PCDHA4: variants seen among roughly 807,000 people sequenced by gnomAD.
The protein encoded by PCDHA4 is protocadherin alpha 4.
PCDHA4 carries 49 observed loss-of-function variants against 61.4 expected under a neutral mutation model. The observed-to-expected ratio is 0.80, with a 90% CI of 0.63 to 1.01. The LOEUF is 1.01. PCDHA4 is among the 50% of genes least tolerant of loss of function. The probability of loss-of-function intolerance (pLI) is 0.00; values close to 1 mark genes in which losing one functional copy is unlikely to be tolerated. For synonymous variants in PCDHA4, 590 were observed against 550.3 expected, an observed-to-expected ratio of 1.07 and a Z score of -1.01; for missense variants, 1,254 against 1,235.8, an observed-to-expected ratio of 1.01 and a Z score of -0.22.
At chr5:140,975,491 C>T (rs2153807371) in intron 1 of PCDHA4, among the ~76,000 whole-genome samples, 1 of 152,274 alleles carries the variant, frequency 6.6e-6, no homozygotes, top group Middle Eastern at 3.4e-3. Flanking sequence ...TATCAATGTT[C>T]ATAAAATAGC....
intron 1 of PCDHA4, chr5:140,843,511 C>T: frequency 6.3e-7 from 1 of 1,595,668 alleles, no homozygotes; most frequent in Non-Finnish European, 8.6e-7. Context: ...CCACTGAGGG[C>T]GGGTGCCGGG....
chr5:140,966,541 G>C (rs2096018356), intron 1 of PCDHA4: 3 of 462,844 alleles, frequency 6.5e-6, no homozygotes, highest in African/African-American at 2.0e-5. Context: ...TGAGCGACTC[G>C]GAGGCGAGCG....
At chr5:140,844,051 C>T (rs1562419039) in intron 1 of PCDHA4, among the ~76,000 whole-genome samples, 1 of 149,544 alleles carries the variant, frequency 6.7e-6, no homozygotes, top group Non-Finnish European at 1.5e-5. Context: ...AGTATTCCCC[C>T]AAAGCGTTTA....
chr5:140,989,197 C>T (rs2097332742), intron 3 of PCDHA4, among the ~76,000 whole-genome samples: 1 of 152,206 alleles, frequency 6.6e-6, no homozygotes, highest in Admixed American at 6.5e-5. Context: ...ACCCTCCCTT[C>T]TAGCTTTCTT....
At chr5:140,932,728 T>C (rs2088582843) in intron 1 of PCDHA4, among the ~76,000 whole-genome samples, 1 of 151,886 alleles carries the variant, frequency 6.6e-6, no homozygotes, top group African/African-American at 2.4e-5. Context: ...TTGTATAATA[T>C]AGACCCTCAA....
Position 140,808,051 on chromosome 5 carries a change from T to C in PCDHA4, c.864T>C (p.Asn288=). ...CATTCTCAAATGATATTTCGCCAAA[T>C]GTGAAATCCAAGTTTCACATAGATC... ...VYSFSNDISP[N]VKSKFHIDPI... is the part of the protein sequence containing the mutation. Residue 288 remains asparagine (N), a synonymous_variant, in exon 1 of 4, where the codon AAT becomes AAC. Coordinates refer to ENST00000530339, the MANE Select transcript of PCDHA4 (RefSeq NM_018907.4). 1 of 1,614,058 alleles carries C rather than the reference T, an allele frequency of 6.2e-7. No individual in the cohort carries two copies. The highest frequency in any genetic ancestry group is 2.2e-5 in the East Asian group (1 of 44,894).
At chr5:140,965,864 G>A (rs553582487) in intron 1 of PCDHA4, among the ~76,000 whole-genome samples, 1 of 152,254 alleles carries the variant, frequency 6.6e-6, no homozygotes, top group East Asian at 1.9e-4. Flanking sequence ...CTGAAAATAA[G>A]GGCCACTTGG....
In PCDHA4 at chr5:141,009,726, C is replaced by A. The variant is rs373683237; in HGVS notation, c.2633C>A (p.Pro878His). Residue 878 changes from proline to histidine, a missense_variant, in exon 4 of 4, where the codon CCC (proline) becomes CAC (histidine). By Grantham distance (77) the Pro-to-His change is moderately conservative (BLOSUM62 -2). Coordinates refer to ENST00000530339, the MANE Select transcript of PCDHA4 (RefSeq NM_018907.4). ...YGPGNPKQSGPGELPDKFIIP... is the reference protein window; with the variant it reads ...YGPGNPKQSGHGELPDKFIIP... The stretch of plus-strand genomic sequence containing the variant: ...CCAGGCAACCCCAAACAATCCGGTC[C>A]CGGTGAGTTGCCCGACAAATTCATT... 85 of 1,614,016 alleles carry A rather than the reference C, an allele frequency of 5.3e-5. No individual in the cohort carries two copies. Among genetic ancestry groups the A allele is most frequent in the Non-Finnish European group, 4.4e-5 (52 of 1,180,032 alleles).
intron 1 of PCDHA4, chr5:140,834,305 T>C (rs2150215189): frequency 1.5e-6 from 2 of 1,328,712 alleles, no homozygotes; most frequent in African/African-American, 1.5e-5. Flanking sequence ...CACATCGAGA[T>C]TGAAATGAAG....
chr5:140,965,748 C>T (rs1010303564), intron 1 of PCDHA4, among the ~76,000 whole-genome samples: 1 of 152,174 alleles, frequency 6.6e-6, no homozygotes, highest in Non-Finnish European at 1.5e-5. Flanking sequence ...TCCCCATTGT[C>T]GCCAAAATGG....
At chr5:140,978,597 A>G (rs897045455) in intron 1 of PCDHA4, among the ~76,000 whole-genome samples, 1 of 152,234 alleles carries the variant, frequency 6.6e-6, no homozygotes, top group Non-Finnish European at 1.5e-5. Flanking sequence ...TTAATGGGGC[A>G]CTTGAGGGCA....
At chr5:140,823,542 G>A in intron 1 of PCDHA4, 1 of 1,613,852 alleles carries the variant, frequency 6.2e-7, no homozygotes, top group Non-Finnish European at 8.5e-7. Context: ...CGGGCCACGT[G>A]GTGGCGAAGG....
At chr5:140,927,193 C>G in intron 1 of PCDHA4, 1 of 1,614,186 alleles carries the variant, frequency 6.2e-7, no homozygotes, top group South Asian at 1.1e-5. Context: ...CGACCTGGTG[C>G]TCGAGGACCC....
intron 1 of PCDHA4, among the ~76,000 whole-genome samples, chr5:140,833,392 A>G (rs1162626045): frequency 6.6e-6 from 1 of 152,232 alleles, no homozygotes; most frequent in Admixed American, 6.5e-5. Context: ...GAAATACCTC[A>G]AGACTTGATC....
chr5:140,897,613 A>C (rs1252972033), intron 1 of PCDHA4, among the ~76,000 whole-genome samples: 2 of 152,052 alleles, frequency 1.3e-5, no homozygotes, highest in Non-Finnish European at 2.9e-5. Flanking sequence ...GTTGGTTCCA[A>C]GTCTTTACTA....
intron 1 of PCDHA4, among the ~76,000 whole-genome samples, chr5:140,933,619 T>C (rs2089273151): frequency 2.6e-5 from 4 of 152,058 alleles, no homozygotes; most frequent in Non-Finnish European, 2.9e-5. Flanking sequence ...TCTTATTAGG[T>C]TAGGCTGGCC....
At chr5:140,979,178 G>C (rs782006168) in intron 2 of PCDHA4, 171 bp downstream of exon 2, 32 of 944,022 alleles carry the variant, frequency 3.4e-5, no homozygotes, top group Non-Finnish European at 4.0e-5. Flanking sequence ...GATCGCAAAT[G>C]GTCAGTGCCA....
At chr5:140,856,778 C>T (rs782280474) in intron 1 of PCDHA4, 2 of 1,596,260 alleles carry the variant, frequency 1.3e-6, no homozygotes, top group Admixed American at 3.4e-5. Context: ...CTTTGACAGA[C>T]CGGTTTATGA....
At chr5:140,888,749 AC>A (rs1218374821) in intron 1 of PCDHA4, among the ~76,000 whole-genome samples, 1 of 151,232 alleles carries the variant, frequency 6.6e-6, no homozygotes, top group African/African-American at 2.4e-5. Context: ...GAATTATTCT[AC>A]CCACTTTTTT....
Sources: gnomAD v4.1 joint callset for allele counts (sites outside exome capture counted in the v4.1 genomes callset) on GRCh38, gnomAD v4.1.1 for gene constraint, MANE v1.5 for transcripts, NCBI Gene and HGNC (gene_info 2026-07-23, HGNC 2026-07-21) for gene names.